The following HNF4A variants were observed in gnomAD, a reference collection of about 807,000 sequenced individuals.
HNF4A encodes the protein hepatocyte nuclear factor 4-alpha.
A neutral mutation model predicts 52.4 loss-of-function variants in HNF4A; 15 were observed. The observed-to-expected ratio is 0.29, with a 90% CI of 0.19 to 0.44. The LOEUF is 0.44. Ranked by LOEUF, HNF4A falls within the 20% of genes least tolerant of loss-of-function variation. The pLI, the probability that HNF4A is intolerant of heterozygous loss-of-function variation, is 1.00. For missense variants in HNF4A, 479 were observed against 647.2 expected, an observed-to-expected ratio of 0.74 and a Z score of 2.82; for synonymous variants, 280 against 264.4, an observed-to-expected ratio of 1.06 and a Z score of -0.57.
intron 5 of HNF4A, among the ~76,000 whole-genome samples, chr20:44,416,522 G>T (rs1214360934): frequency 6.6e-6 from 1 of 152,252 alleles, no homozygotes; most frequent in African/African-American, 2.4e-5. Flanking sequence ...CGCAGGAGGC[G>T]CTTGGCAATC....
upstream of HNF4A, among the ~76,000 whole-genome samples, chr20:44,397,421 G>A (rs1398534705): frequency 6.6e-6 from 1 of 152,114 alleles, no homozygotes; most frequent in Non-Finnish European, 1.5e-5. Context: ...ACCATGCAAA[G>A]TATTTAGGAT....
At chr20:44,421,136 G>A (rs909659857) in intron 7 of HNF4A, among the ~76,000 whole-genome samples, 2 of 151,956 alleles carry the variant, frequency 1.3e-5, no homozygotes, top group African/African-American at 4.8e-5. Flanking sequence ...TGCAAGTTAT[G>A]TGCTTTTATC....
chr20:44,372,663 T>A (rs1449723775), intron 1 of HNF4A: 1 of 146,790 alleles, frequency 6.8e-6, no homozygotes, highest in African/African-American at 2.7e-5. Flanking sequence ...GGGAAGAGGT[T>A]TTTTTTTCCC....
chr20:44,379,048 G>C (rs1255261201), intron 1 of HNF4A, among the ~76,000 whole-genome samples: 1 of 152,140 alleles, frequency 6.6e-6, no homozygotes, highest in East Asian at 1.9e-4. Context: ...GAATCATACA[G>C]TATTTGTTCT....
At chr20:44,373,390 T>A (rs2063053332) in intron 1 of HNF4A, among the ~76,000 whole-genome samples, 1 of 152,130 alleles carries the variant, frequency 6.6e-6, no homozygotes, top group South Asian at 2.1e-4. Context: ...CCCAGGCTGG[T>A]CTCAAACTCC....
chr20:44,401,121 C>A, upstream of HNF4A: 5 of 1,202,236 alleles, frequency 4.2e-6, no homozygotes, highest in Non-Finnish European at 5.6e-6. Context: ...AACAAACAGC[C>A]AAATCCCTGC....
chr20:44,401,600 A>G (rs2063410550), intron 1 of HNF4A: 1 of 1,361,252 alleles, frequency 7.3e-7, no homozygotes, highest in Non-Finnish European at 1.0e-6. Context: ...ACAAAATGGT[A>G]GGTTGGTCCT....
In HNF4A at chr20:44,424,115, G is replaced by T. The variant is rs140146223; in HGVS notation, c.990G>T (p.Ser330=). 2.3e-5 allele frequency: 37 copies of T among 1,613,294 alleles called. No individual in the cohort carries two copies. The Admixed American group carries it at 6.2e-4, about 27-fold the overall frequency. The change falls in exon 8 of 10, where the codon TCG becomes TCT. Residue 330 remains serine (S), a synonymous_variant. Coordinates refer to ENST00000316099, the MANE Select transcript of HNF4A (RefSeq NM_000457.6). ...ACATCAACGACCGCCAGTATGACTC[G>T]CGTGGCCGCTTTGGAGAGCTGCTGC...
chr20:44,369,273 AAAAAAC>A (rs1372046600), intron 1 of HNF4A, among the ~76,000 whole-genome samples: 101 of 146,036 alleles, frequency 6.9e-4, no homozygotes, highest in African/African-American at 2.6e-3. Flanking sequence ...AAAAAAAAAA[AAAAAAC>A]TGGGCCGGCC....
At chr20:44,374,309 C>T (rs2063063051) in intron 1 of HNF4A, among the ~76,000 whole-genome samples, 1 of 152,138 alleles carries the variant, frequency 6.6e-6, no homozygotes, top group Non-Finnish European at 1.5e-5. Flanking sequence ...AAGGACACGA[C>T]TTTGTTCCCT....
intron 1 of HNF4A, among the ~76,000 whole-genome samples, chr20:44,382,483 C>T (rs551463987): frequency 6.6e-6 from 1 of 152,244 alleles, no homozygotes; most frequent in South Asian, 2.1e-4. Context: ...GTGATCCGCC[C>T]GCCTTGGCCT....
At chr20:44,418,256 C>T (rs776941192) in intron 5 of HNF4A, among the ~76,000 whole-genome samples, 169 bp from the exon 6 acceptor site, 2 of 152,186 alleles carry the variant, frequency 1.3e-5, no homozygotes, top group African/African-American at 2.4e-5. Flanking sequence ...GTTCTTTCCC[C>T]TTCCAGGTTT....
chr20:44,409,500 G>C (rs2063550588), intron 3 of HNF4A, among the ~76,000 whole-genome samples: 1 of 152,202 alleles, frequency 6.6e-6, no homozygotes, highest in African/African-American at 2.4e-5. Flanking sequence ...GTGTTTGAGA[G>C]AACAGCTCTC....
rs62206819 is a variant in HNF4A, at chr20:44,379,105, T to C, written c.49+23252T>C. 5.5e-4 allele frequency among the ~76,000 whole-genome samples: 84 copies of C among 152,226 alleles called. 1 individual carries two copies. Among genetic ancestry groups the C allele is most frequent in the Middle Eastern group, 6.8e-3 (2 of 294 alleles). Reference sequence around the variant, plus strand: ...GCATAATGCCCTCAGGATCCATCCATGTTGTAGCATGTGTCAGAATTTCCA... The same window carrying C: ...GCATAATGCCCTCAGGATCCATCCACGTTGTAGCATGTGTCAGAATTTCCA... On this transcript the variant is annotated intron_variant, in intron 1 of 9. Coordinates refer to the HNF4A transcript ENST00000316673.
At position 44,363,706 on chromosome 20, in the gene HNF4A, CTTTTTTTTTT is replaced by C. The variant is rs11480026; in HGVS notation, c.49+7866_49+7875del. Among the ~76,000 whole-genome samples, 940 of 107,506 alleles carry C rather than the reference CTTTTTTTTTT, an allele frequency of 8.7e-3. 18 individuals are homozygous for C. The highest frequency in any genetic ancestry group is 0.03 in the African/African-American group (911 of 30,034). The allele number at this position is 107,506 out of a possible 152,430, so 70.5% of individuals were successfully genotyped here. The stretch of plus-strand genomic sequence containing the variant: ...TTCTCCTGCTGTTTCTCCATCTACT[CTTTTTTTTTT>C]TTTTTTTTTTTTGAGACAGAGTCTC... On this transcript the variant is annotated intron_variant, in intron 1 of 9. Coordinates refer to the HNF4A transcript ENST00000316673.
intron 4 of HNF4A, 147 bp downstream of exon 4, chr20:44,413,947 C>A (rs2063623896): frequency 5.8e-6 from 4 of 689,598 alleles, no homozygotes; most frequent in Non-Finnish European, 1.0e-5. Context: ...AGTCCGGTTT[C>A]ACATGGCCCA....
chr20:44,403,944 C>T (rs902332033), intron 1 of HNF4A, among the ~76,000 whole-genome samples: 1 of 152,240 alleles, frequency 6.6e-6, no homozygotes, highest in Middle Eastern at 3.4e-3. Flanking sequence ...CAGCTCTCCC[C>T]GGGGGTCGGG....
chr20:44,413,856 A>C (rs1600723167), intron 4 of HNF4A, 56 bp downstream of exon 4: 43 of 1,111,136 alleles, frequency 3.9e-5, no homozygotes, highest in Non-Finnish European at 5.2e-5. Flanking sequence ...AGAGGAGCTC[A>C]CCTCCTCCAC....
At position 44,414,504 on chromosome 20, in the gene HNF4A, A is replaced by G. The variant is rs1428068150; in HGVS notation, c.493-3A>G. 6.2e-7 allele frequency: 1 copy of G among 1,614,222 alleles called. No individual in the cohort carries two copies. The highest frequency in any genetic ancestry group is 8.5e-7 in the Non-Finnish European group (1 of 1,180,038). Reference sequence around the variant, plus strand: ...AGCATTTTCTTCCCTGTATCTCTCGAAGATCACCTCCCCCGTCTCCGGGAT... The same window carrying G: ...AGCATTTTCTTCCCTGTATCTCTCGGAGATCACCTCCCCCGTCTCCGGGAT... On this transcript the variant is annotated splice_region_variant and splice_polypyrimidine_tract_variant and intron_variant, in intron 4 of 9. Transcript: ENST00000316099.
Sources: allele counts gnomAD v4.1 joint callset (sites outside exome capture counted in the v4.1 genomes callset), GRCh38; gene constraint gnomAD v4.1.1; transcripts MANE v1.5; gene names NCBI Gene and HGNC (gene_info 2026-07-23, HGNC 2026-07-21).